RUNX3: variants seen among roughly 807,000 people sequenced by gnomAD.
The protein encoded by RUNX3 is runt-related transcription factor 3.
In RUNX3, 10 loss-of-function variants were observed where a neutral mutation model predicts 27.7. The ratio of observed to expected loss-of-function variants is 0.36; its 90% CI spans 0.22 to 0.61. The LOEUF (loss-of-function observed/expected upper bound fraction) is 0.61, where lower values mean the gene tolerates loss of function less well. Among genes scored for constraint, RUNX3 ranks in the 20% least tolerant of loss-of-function variants. RUNX3 has a pLI of 0.72. For missense variants in RUNX3, 469 were observed against 629.5 expected, an observed-to-expected ratio of 0.75 and a Z score of 2.73; for synonymous variants, 270 against 269.2, an observed-to-expected ratio of 1.00 and a Z score of -0.03.
At chr1:24,924,454 T>C (rs1223614706) in intron 2 of RUNX3, among the ~76,000 whole-genome samples, 3 of 151,922 alleles carry the variant, frequency 2.0e-5, no homozygotes, top group African/African-American at 4.8e-5. Context: ...TAATATCTAC[T>C]GAATTTTCCA....
Position 24,916,725 on chromosome 1 carries a change from G to T in RUNX3, c.544+2515C>A, listed in dbSNP as rs926329388. 2.0e-5 allele frequency among the ~76,000 whole-genome samples: 3 copies of T among 152,120 alleles called. No homozygotes were observed. Among genetic ancestry groups the T allele is most frequent in the Non-Finnish European group, 4.4e-5 (3 of 68,018 alleles). On this transcript the variant is annotated intron_variant, in intron 3 of 4. Coordinates refer to ENST00000308873, the MANE Select transcript of RUNX3 (RefSeq NM_004350.3). This position sits in a 1 kb window ranked among gnomAD's most constrained non-coding sequence, Gnocchi z 4.8. ...GGAACAGGCAGGTCCTAAGGATGGGGGACCTAGTAGACTGCCCCCCGACTC... is the reference window on the plus strand; with the variant it reads ...GGAACAGGCAGGTCCTAAGGATGGGTGACCTAGTAGACTGCCCCCCGACTC...
In RUNX3 at chr1:24,901,814, G is replaced by A. The variant is rs1640556920; in HGVS notation, c.*308C>T. ...GTCCCATGCAGCACTGGGCATAGCT[G>A]GAGACAGTGAGGTCCTTCCGGGGGG... On this transcript the variant is annotated 3_prime_UTR_variant, in exon 5 of 5. Coordinates refer to ENST00000308873, the MANE Select transcript of RUNX3 (RefSeq NM_004350.3). 1 of 398,486 alleles carries A rather than the reference G, an allele frequency of 2.5e-6. No individual in the cohort carries two copies. The highest frequency in any genetic ancestry group is 2.0e-5 in the African/African-American group (1 of 49,656). The allele number at this position is 398,486 out of a possible 1,614,324, so 24.7% of individuals were successfully genotyped here.
chr1:24,949,230 G>A (rs145879626), intron 2 of RUNX3, among the ~76,000 whole-genome samples: 77 of 152,132 alleles, frequency 5.1e-4, no homozygotes, highest in African/African-American at 1.8e-3. Flanking sequence ...TCTCCCCATT[G>A]TATGGCTGAA....
intron 2 of RUNX3, among the ~76,000 whole-genome samples, chr1:24,942,847 C>T (rs1436152257): frequency 6.6e-6 from 1 of 152,238 alleles, no homozygotes; most frequent in Non-Finnish European, 1.5e-5. Context: ...TCCCGCCTCC[C>T]AGCCTGGTGC....
chr1:24,923,235 T>C lies in RUNX3; in HGVS notation c.440-3891A>G, dbSNP rs1354565385. ...CCCTCCCAGGTACAAAGGAGAGGAG[T>C]GTGGGGCCTAAGAGGAGGAGTGAGA... On this transcript the variant is annotated intron_variant, in intron 2 of 4. Transcript: ENST00000308873. The surrounding 1 kb of genome is among the most constrained non-coding windows in gnomAD (Gnocchi z 5.9). 6.6e-6 allele frequency among the ~76,000 whole-genome samples: 1 copy of C among 150,794 alleles called. No individual in the cohort carries two copies. Among genetic ancestry groups the C allele is most frequent in the Non-Finnish European group, 1.5e-5 (1 of 67,730 alleles).
intron 2 of RUNX3, among the ~76,000 whole-genome samples, chr1:24,940,852 TG>T (rs1641459272): frequency 6.6e-6 from 1 of 152,198 alleles, no homozygotes. Flanking sequence ...ATTAGTGCTT[TG>T]TTTTTTAAAG....
At chr1:24,954,276 C>T (rs537033379) in intron 2 of RUNX3, among the ~76,000 whole-genome samples, 25 of 152,306 alleles carry the variant, frequency 1.6e-4, no homozygotes, top group Non-Finnish European at 2.8e-4. Flanking sequence ...TGTTCTACAA[C>T]GTAAAATGCA....
Position 24,904,185 on chromosome 1 carries a change from C to A in RUNX3, c.704-1519G>T. 6.6e-6 allele frequency among the ~76,000 whole-genome samples: 1 copy of A among 152,142 alleles called. No individual in the cohort carries two copies. The highest frequency in any genetic ancestry group is 1.9e-4 in the East Asian group (1 of 5,190). On this transcript the variant is annotated intron_variant, in intron 4 of 4. Coordinates refer to ENST00000308873, the MANE Select transcript of RUNX3 (RefSeq NM_004350.3). The surrounding 1 kb of genome is among the most constrained non-coding windows in gnomAD (Gnocchi z 5.7). Reference sequence around the variant, plus strand: ...GTGTCACCCACCAAAGGATAAGGGCCGGTGCTAGCCGGAGTGGGCTCTGCC... The same window carrying A: ...GTGTCACCCACCAAAGGATAAGGGCAGGTGCTAGCCGGAGTGGGCTCTGCC...
intron 2 of RUNX3, among the ~76,000 whole-genome samples, chr1:24,959,850 A>G (rs1265100982): frequency 1.3e-5 from 2 of 151,782 alleles, no homozygotes; most frequent in African/African-American, 2.4e-5. Flanking sequence ...GCCAACTCCA[A>G]CCACTGCTAG....
At position 24,924,480 on chromosome 1, in the gene RUNX3, CT is replaced by C. The variant is rs377699041; in HGVS notation, c.439+3093del. 5.5e-3 allele frequency among the ~76,000 whole-genome samples: 783 copies of C among 143,576 alleles called. 3 individuals carry two copies. Among genetic ancestry groups the C allele is most frequent in the South Asian group, 0.018 (83 of 4,490 alleles). The allele number at this position is 143,576 out of a possible 152,430, so 94.2% of individuals were successfully genotyped here. On this transcript the variant is annotated intron_variant, in intron 2 of 4. Coordinates refer to ENST00000308873, the MANE Select transcript of RUNX3 (RefSeq NM_004350.3). ...GAATTTTCCAGAAGGAAAGACAGTT[CT>C]TTTTTTTTTTTTAATTTTGTTCAGC...
In RUNX3 at chr1:24,902,365, C is replaced by T. The variant is rs1483115983; in HGVS notation, c.1005G>A (p.Gly335=). The part of the protein sequence containing the change: ...ANPSPYHLYY[G]TSSGSYQFSM... ...AGAACTGGTAGGAGCCAGAGGATGT[C>T]CCGTAGTAGAGGTGGTAGGGGGACG... is the stretch of plus-strand genomic sequence containing the variant. The change falls in exon 5 of 5, where the codon GGG becomes GGA. Residue 335 remains glycine (G), a synonymous_variant. Coordinates refer to ENST00000308873, the MANE Select transcript of RUNX3 (RefSeq NM_004350.3). The surrounding 1 kb of genome is among the most constrained non-coding windows in gnomAD (Gnocchi z 9.2). The T allele has an allele frequency of 1.2e-6, 2 of 1,612,212 alleles. No individual in the cohort carries two copies. The highest frequency in any genetic ancestry group is 1.7e-6 in the Non-Finnish European group (2 of 1,179,862).
At chr1:24,908,345 T>G (rs1640726034) in intron 3 of RUNX3, among the ~76,000 whole-genome samples, 1 of 152,124 alleles carries the variant, frequency 6.6e-6, no homozygotes, top group African/African-American at 2.4e-5. Flanking sequence ...ACACACTGTT[T>G]GGCAGAAGAG....
rs1400359648 is a variant in RUNX3, at chr1:24,962,786, T to G, written c.58+1728A>C. On this transcript the variant is annotated intron_variant, in intron 2 of 6. Transcript: ENST00000338888. The surrounding 1 kb of genome is among the most constrained non-coding windows in gnomAD (Gnocchi z 4.5). ...GCCACCTCTCCCTTTGTGCCCTTTG[T>G]GCTACTGCCAGCCACCTCCCAGGCT... Among the ~76,000 whole-genome samples, 1 of 152,172 alleles carries G rather than the reference T, an allele frequency of 6.6e-6. No individual in the cohort carries two copies. The highest frequency in any genetic ancestry group is 2.4e-5 in the African/African-American group (1 of 41,436).
At position 24,942,521 on chromosome 1, in the gene RUNX3, T is replaced by A. The variant is rs536882965; in HGVS notation, c.59-12669A>T. 2.0e-5 allele frequency among the ~76,000 whole-genome samples: 3 copies of A among 151,894 alleles called. No individual in the cohort carries two copies. In the East Asian group the frequency reaches 5.8e-4, roughly 29 times the overall value. On this transcript the variant is annotated intron_variant, in intron 2 of 6. Transcript: ENST00000338888. ...CTTTAGACAGGGTGGTCAGGGAAGG[T>A]CTGTCGGAGCAGGTGACATGCGAGC... is the stretch of plus-strand genomic sequence containing the variant.
chr1:24,929,943 C>T lies in RUNX3; in HGVS notation c.-75G>A. The T allele has an allele frequency of 8.2e-7, 1 of 1,217,004 alleles. No homozygotes were observed. Among genetic ancestry groups the T allele is most frequent in the East Asian group, 3.4e-5 (1 of 29,316 alleles). The allele number at this position is 1,217,004 out of a possible 1,614,324, so 75.4% of individuals were successfully genotyped here. On this transcript the variant is annotated 5_prime_UTR_variant, in exon 1 of 5. Transcript: ENST00000308873. ...CGGGGGCGGCCGGCGCGGGCGCCTC[C>T]TCGGCCGCCGCTGCCGCGAGAAGCG...
chr1:24,960,320 A>C (rs1642073120), intron 2 of RUNX3, among the ~76,000 whole-genome samples: 1 of 152,332 alleles, frequency 6.6e-6, no homozygotes. Context: ...TAGCTCTGCA[A>C]GGTTGGTGTA....
chr1:24,958,964 G>A (rs1642025975), intron 2 of RUNX3, among the ~76,000 whole-genome samples: 1 of 152,226 alleles, frequency 6.6e-6, no homozygotes, highest in Non-Finnish European at 1.5e-5. Flanking sequence ...CTGGTGTTGG[G>A]GCTGCCCCAC....
At position 24,953,224 on chromosome 1, in the gene RUNX3, G is replaced by A. The variant is rs193257410; in HGVS notation, c.58+11290C>T. Among the ~76,000 whole-genome samples the A allele has an allele frequency of 8.0e-4, 121 of 152,042 alleles. 1 individual carries two copies. The highest frequency in any genetic ancestry group is 2.9e-3 in the African/African-American group (119 of 41,482). On this transcript the variant is annotated intron_variant, in intron 2 of 6. Transcript: ENST00000338888. ...TACTAAAAATACAAAAATTAGCCAG[G>A]CGTAGTGGCGGGCACCTGTAGTCCC...
chr1:24,915,702 C>T (rs736553), intron 3 of RUNX3, among the ~76,000 whole-genome samples: 18,504 of 151,712 alleles, frequency 0.12, 3,022 homozygotes, highest in African/African-American at 0.37. Context: ...CAAAGGCCCC[C>T]GAGGCAGGAG....
Sources: gnomAD v4.1 joint callset for allele counts (sites outside exome capture counted in the v4.1 genomes callset) on GRCh38, gnomAD v4.1.1 for gene constraint, Gnocchi (gnomAD v3.1) non-coding constraint, MANE v1.5 for transcripts, NCBI Gene and HGNC (gene_info 2026-07-23, HGNC 2026-07-21) for gene names.